The following CAPS2 variants were observed in gnomAD, a reference collection of about 807,000 sequenced individuals.
CAPS2 encodes calcyphosin-2.
In CAPS2, 98 loss-of-function variants were observed where a neutral mutation model predicts 86.5. The ratio of observed to expected loss-of-function variants is 1.13; its 90% CI spans 0.96 to 1.34. The LOEUF (loss-of-function observed/expected upper bound fraction) is 1.34. CAPS2 is among the 40% of genes most tolerant of loss of function. The pLI, the probability that CAPS2 is intolerant of heterozygous loss-of-function variation, is 0.00. For missense variants in CAPS2, 729 were observed against 686.8 expected (o/e 1.06, Z -0.69); for synonymous variants, 210 against 225.1 (o/e 0.93, Z 0.60).
At chr12:75,276,139 T>C (rs539012394), downstream of CAPS2, 366 of 1,475,576 alleles carry the variant, frequency 2.5e-4, no homozygotes, top group Admixed American at 5.4e-4. Context: ...AGATTGTCTT[T>C]GCTCTTCTCT....
At chr12:75,366,212 AAACACAT>A (rs2139653839) in intron 1 of CAPS2, among the ~76,000 whole-genome samples, 1 of 152,312 alleles carries the variant, frequency 6.6e-6, no homozygotes, top group East Asian at 1.9e-4. Flanking sequence ...CAAAATACAT[AAACACAT>A]ACATACACAC....
rs145193423 is a variant in CAPS2 at position 75,336,133 on chromosome 12, A to G, written c.-394-12911T>C. Among the ~76,000 whole-genome samples the G allele has an allele frequency of 6.7e-3, 1,024 of 152,114 alleles. 8 individuals carry two copies. Among genetic ancestry groups the G allele is most frequent in the African/African-American group, 0.023 (938 of 41,586 alleles). On this transcript the variant is annotated intron_variant, in intron 1 of 5. Coordinates refer to the CAPS2 transcript ENST00000551829. The stretch of plus-strand genomic sequence containing the variant: ...AAAGTTCCTTATATTGTTAAGAATC[A>G]CAATAATATTTCTGGATGGACCGTG...
At chr12:75,348,496 A>G (rs2042597060) in intron 1 of CAPS2, among the ~76,000 whole-genome samples, 1 of 152,232 alleles carries the variant, frequency 6.6e-6, no homozygotes, top group South Asian at 2.1e-4. Flanking sequence ...TAGAGTTTTT[A>G]TAGATTCAGA....
chr12:75,289,435 T>A (rs948305236), intron 14 of CAPS2, among the ~76,000 whole-genome samples, 186 bp downstream of exon 14: 2 of 152,216 alleles, frequency 1.3e-5, no homozygotes, highest in Non-Finnish European at 2.9e-5. Flanking sequence ...AAGCTCTTTA[T>A]AAATATAGGA....
intron 1 of CAPS2, among the ~76,000 whole-genome samples, chr12:75,335,343 CT>C (rs1377646872): frequency 6.6e-6 from 1 of 152,002 alleles, no homozygotes; most frequent in Non-Finnish European, 1.5e-5. Flanking sequence ...CAAAACAACA[CT>C]TCATGTGTAG....
Position 75,298,302 on chromosome 12 carries a change from C to G in CAPS2, c.1044+385G>C, listed in dbSNP as rs1593331285. On this transcript the variant is annotated intron_variant, in intron 11 of 16. Coordinates refer to ENST00000393284, the Ensembl canonical transcript of CAPS2. ...AAAATGACAGCTCCAGAGGCCCATA[C>G]CCCTTCACATGGAGGAAACTGTCCA... 6 of 179,038 alleles carry G rather than the reference C, an allele frequency of 3.4e-5. No individual in the cohort carries two copies. The South Asian group carries it at 9.4e-4, about 28-fold the overall frequency. 11.1% of individuals were successfully genotyped at this position (179,038 alleles called of 1,614,324 possible).
chr12:75,355,515 T>C (rs1225894594), intron 1 of CAPS2, among the ~76,000 whole-genome samples: 2 of 152,162 alleles, frequency 1.3e-5, no homozygotes, highest in African/African-American at 4.8e-5. Context: ...GTTTTTACAC[T>C]GTTGGTGGGA....
At chr12:75,377,504 C>G (rs865935890) in intron 1 of CAPS2, among the ~76,000 whole-genome samples, 1 of 152,102 alleles carries the variant, frequency 6.6e-6, no homozygotes, top group Admixed American at 6.5e-5. Flanking sequence ...AACAGAGGCC[C>G]GAGAGCCCCT....
At chr12:75,358,819 T>C (rs914218535) in intron 1 of CAPS2, among the ~76,000 whole-genome samples, 39 of 144,298 alleles carry the variant, frequency 2.7e-4, no homozygotes, top group East Asian at 1.8e-3. Context: ...TATGTTTAAA[T>C]ATATATAATA....
exon 17 of CAPS2, chr12:75,278,948 A>C: frequency 6.2e-7 from 1 of 1,609,252 alleles, no homozygotes; most frequent in Non-Finnish European, 8.5e-7. Context: ...TACTATTCCT[A>C]TACTTAAACC....
intron 14 of CAPS2, among the ~76,000 whole-genome samples, chr12:75,287,251 C>A (rs2035049579): frequency 6.6e-6 from 1 of 151,998 alleles, no homozygotes; most frequent in Non-Finnish European, 1.5e-5. Flanking sequence ...CTCTGACCTT[C>A]TCCTGCCCTT....
chr12:75,351,893 T>C (rs529882932), intron 1 of CAPS2, among the ~76,000 whole-genome samples: 1 of 152,310 alleles, frequency 6.6e-6, no homozygotes, highest in Non-Finnish European at 1.5e-5. Context: ...TAGAATTTCA[T>C]ATCCAGCCAA....
chr12:75,321,411 T>C (rs977517011), exon 5 of CAPS2: 3 of 1,539,406 alleles, frequency 1.9e-6, no homozygotes, highest in Admixed American at 2.0e-5. Context: ...TTTTCATCTA[T>C]CTTGTTTCTT....
chr12:75,336,945 C>A (rs1362576782), intron 1 of CAPS2, among the ~76,000 whole-genome samples: 2 of 151,392 alleles, frequency 1.3e-5, no homozygotes, highest in African/African-American at 4.8e-5. Flanking sequence ...AGTCTTAAAC[C>A]AGAAATAAAG....
At chr12:75,314,365 G>A (rs1266562526) in intron 6 of CAPS2, among the ~76,000 whole-genome samples, 1 of 151,896 alleles carries the variant, frequency 6.6e-6, no homozygotes, top group Non-Finnish European at 1.5e-5. Flanking sequence ...TATTGATAAT[G>A]TTTAAATTAT....
Position 75,285,044 on chromosome 12 carries a change from C to T in CAPS2, c.1432G>A (p.Gly478Ser). The T allele has an allele frequency of 5.6e-6, 9 of 1,611,554 alleles. No individual in the cohort carries two copies. Among genetic ancestry groups the T allele is most frequent in the Non-Finnish European group, 7.6e-6 (9 of 1,178,722 alleles). The change falls in exon 15 of 17, where the codon GGC becomes AGC. Residue 478 changes from glycine (G) to serine (S), a missense_variant. By Grantham distance (56) the Gly-to-Ser change is moderately conservative (BLOSUM62 0). Coordinates refer to ENST00000393284, the Ensembl canonical transcript of CAPS2. ...TCTCCATAATCAACCTTGCCATTGC[C>T]ATTGTCATTCAGAATTAGCCATGCA... is the stretch of plus-strand genomic sequence containing the variant.
intron 1 of CAPS2, among the ~76,000 whole-genome samples, chr12:75,352,976 T>G (rs2042911025): frequency 1.3e-5 from 2 of 152,156 alleles, no homozygotes; most frequent in Non-Finnish European, 2.9e-5. Flanking sequence ...CACTAGAATC[T>G]CTGGGACGCA....
chr12:75,349,853 G>A (rs895618002), intron 1 of CAPS2, among the ~76,000 whole-genome samples: 2 of 152,174 alleles, frequency 1.3e-5, no homozygotes, highest in Non-Finnish European at 2.9e-5. Context: ...ATCCAAGATA[G>A]AATCCATAGA....
chr12:75,344,264 T>A (rs148365680), intron 1 of CAPS2, among the ~76,000 whole-genome samples: 1 of 152,098 alleles, frequency 6.6e-6, no homozygotes, highest in Non-Finnish European at 1.5e-5. Flanking sequence ...AAGTTACTCA[T>A]GTAGAAAGCC....
Sources: gnomAD v4.1 joint callset for allele counts (sites outside exome capture counted in the v4.1 genomes callset) on GRCh38, gnomAD v4.1.1 for gene constraint, MANE v1.5 for transcripts, NCBI Gene and HGNC (gene_info 2026-07-23, HGNC 2026-07-21) for gene names.